MUC5B: variants seen among roughly 807,000 people sequenced by gnomAD.
MUC5B encodes mucin 5B, oligomeric mucus/gel-forming.
Under a neutral mutation model 376.9 loss-of-function variants are expected in MUC5B, and 116 were observed. The ratio of observed to expected loss-of-function variants is 0.31; its 90% confidence interval spans 0.26 to 0.36. The LOEUF is 0.36. Among genes scored for constraint, MUC5B ranks in the 10% least tolerant of loss-of-function variants. MUC5B has a pLI of 1.00. For missense variants in MUC5B, 7,165 were observed against 7,769.9 expected (o/e 0.92, Z 2.93); for synonymous variants, 3,517 against 3,390.9 (o/e 1.04, Z -1.29).
In MUC5B at chr11:1,239,963, G is replaced by T; in HGVS notation, c.3728+20G>T. ...GAGCTGGTGAGGGGGTGGGAAGCGG[G>T]TGGCGCTGGGGGAGCAGGGCTGGGG... On this transcript the variant is annotated intron_variant, in intron 28 of 48. Transcript: ENST00000529681. The T allele has an allele frequency of 6.2e-7, 1 of 1,611,902 alleles. No homozygotes were observed. The highest frequency in any genetic ancestry group is 8.5e-7 in the Non-Finnish European group (1 of 1,179,220).
At position 1,247,139 on chromosome 11, in the gene MUC5B, C is replaced by G; in HGVS notation, c.10259C>G (p.Thr3420Ser). The change falls in exon 31 of 49, where the codon ACC (threonine) becomes AGC (serine). Residue 3420 changes from threonine (T) to serine (S), a missense_variant. Transcript: ENST00000529681. ...ACAACTCCCATCCCCCCAGTGCTGA[C>G]CACCACCGCCACCACACCTGCAGCC... ...PGTTPIPPVL[T>S]TTATTPAATS... is the part of the protein sequence containing the mutation. 6.5e-6 allele frequency: 10 copies of G among 1,533,896 alleles called. No individual in the cohort carries two copies. Among genetic ancestry groups the G allele is most frequent in the Non-Finnish European group, 8.0e-6 (9 of 1,126,240 alleles).
chr11:1,231,542 C>A lies in MUC5B; in HGVS notation c.1660C>A (p.His554Asn). 1 of 1,582,462 alleles carries A rather than the reference C, an allele frequency of 6.3e-7. No homozygotes were observed. ...GGTGTTTGTCAGGCTGGACCCCGCC[C>A]ACCAGGGCCAGATGTGCGGTGAGGC... ...MQVFVRLDPA[H>N]QGQMCGLCGN... The change falls in exon 14 of 49, where the codon CAC becomes AAC. Residue 554 changes from histidine to asparagine, a missense_variant. Physicochemically the swap from His to Asn is moderately conservative, Grantham distance 68. Around this residue, in one of 31 missense-constraint regions of MUC5B, gnomAD observed 640 missense variants for 733.0 expected, o/e 0.87. Coordinates refer to ENST00000529681, the MANE Select transcript of MUC5B (RefSeq NM_002458.3).
rs202164311 is a variant in MUC5B at position 1,247,245 on chromosome 11, C to A, written c.10365C>A (p.His3455Gln). The A allele has an allele frequency of 1.3e-6, 2 of 1,584,908 alleles. No individual in the cohort carries two copies. The highest frequency in any genetic ancestry group is 8.6e-7 in the Non-Finnish European group (1 of 1,157,262). ...PPVPNTTATT[H>Q]GRSLPPSSPH... ...TGCCGAACACCACGGCCACCACACA[C>A]GGGCGGTCCCTGCCCCCCAGCAGTC... The change falls in exon 31 of 49, where the codon CAC becomes CAA. Residue 3455 changes from histidine to glutamine, a missense_variant. His to Gln is a conservative substitution (Grantham distance 24, BLOSUM62 0). Transcript: ENST00000529681.
In MUC5B at chr11:1,234,603, C is replaced by T. The variant is rs755227381; in HGVS notation, c.2553C>T (p.Ala851=). The T allele has an allele frequency of 5.7e-6, 9 of 1,567,986 alleles. No homozygotes were observed. Among genetic ancestry groups the T allele is most frequent in the East Asian group, 2.4e-5 (1 of 42,082 alleles). Residue 851 remains alanine, a synonymous_variant, in exon 21 of 49, where the codon GCC becomes GCT. Coordinates refer to ENST00000529681, the MANE Select transcript of MUC5B (RefSeq NM_002458.3). This position sits in a 1 kb window ranked among gnomAD's most constrained non-coding sequence, Gnocchi z 6.3. ...LVSDGSGGCI[A]EEDCPCVHNE... is the part of the protein sequence containing the mutation. ...CGGATGGGAGTGGGGGCTGCATTGC[C>T]GAGGAGGACTGCCCCTGTGTGCACA...
rs75007506 is a variant in MUC5B at position 1,258,502 on chromosome 11, C to T, written c.16593+135C>T. ...CCGATCCGCACAGGGGCCCTGGACA[C>T]GTCAGAGCTGGGACATGCTTGGGAC... On this transcript the variant is annotated intron_variant, in intron 43 of 48. Coordinates refer to ENST00000529681, the MANE Select transcript of MUC5B (RefSeq NM_002458.3). The surrounding 1 kb of genome is among the most constrained non-coding windows in gnomAD (Gnocchi z 5.5). The T allele has an allele frequency of 7.8e-4, 833 of 1,065,590 alleles. 15 individuals carry two copies. The East Asian group carries it at 0.015, about 20-fold the overall frequency. The allele number at this position is 1,065,590 out of a possible 1,614,324, so 66.0% of individuals were successfully genotyped here.
At chr11:1,225,763 G>A (rs1281089795) in intron 2 of MUC5B, 26 bp downstream of exon 2, 1 of 1,596,202 alleles carries the variant, frequency 6.3e-7, no homozygotes, top group Admixed American at 1.7e-5. Flanking sequence ...CGGGGGTGGG[G>A]GGTTCCTGAC....
intron 17 of MUC5B, 36 bp downstream of exon 17, chr11:1,232,806 C>T (rs1376769117): frequency 1.9e-6 from 3 of 1,558,732 alleles, no homozygotes; most frequent in Non-Finnish European, 1.7e-6. Flanking sequence ...TGTGTCCACA[C>T]CGCGTGGGGG....
Position 1,229,170 on chromosome 11 carries a change from C to T in MUC5B, c.977C>T (p.Pro326Leu). 1 of 1,589,620 alleles carries T rather than the reference C, an allele frequency of 6.3e-7. No homozygotes were observed. The highest frequency in any genetic ancestry group is 1.3e-5 in the African/African-American group (1 of 74,634). ...CCCAGCCCCACCTCCTTTTGCGCAG[C>T]CCGGACCTGCCCCCTCAACATGCAG... ...PRNWRCPELC[P>L]RTCPLNMQHQ... is the part of the protein sequence containing the mutation. Residue 326 changes from proline to leucine, a missense_variant and splice_region_variant, in exon 9 of 49, where the codon CCC becomes CTC. Pro to Leu is a moderately conservative substitution (Grantham distance 98, BLOSUM62 -3). This residue lies in a region of MUC5B where 640 missense variants were observed against 733.0 expected (regional missense o/e 0.87). Transcript: ENST00000529681.
rs373694120 is a variant in MUC5B at position 1,246,728 on chromosome 11, C to T, written c.9848C>T (p.Thr3283Met). 2.4e-5 allele frequency: 39 copies of T among 1,609,102 alleles called. 1 individual carries two copies. The highest frequency in any genetic ancestry group is 6.7e-5 in the African/African-American group (5 of 74,486). The stretch of plus-strand genomic sequence containing the variant: ...CACACCTCCACAGTGCTTACCACCA[C>T]GACCACCACAACCAGGGCCACCGGC... ...TVHTSTVLTT[T>M]TTTTRATGSV... The change falls in exon 31 of 49, where the codon ACG (threonine) becomes ATG (methionine). Residue 3283 changes from threonine (T) to methionine (M), a missense_variant. Physicochemically the swap from Thr to Met is moderately conservative, Grantham distance 81 (BLOSUM62 -1). Transcript: ENST00000529681.
At chr11:1,256,049 G>A (rs1862825617) in intron 37 of MUC5B, 107 bp from the exon 38 acceptor site, 3 of 605,398 alleles carry the variant, frequency 5.0e-6, no homozygotes, top group African/African-American at 2.0e-5. Context: ...GGGCGGCCCC[G>A]GGCCCCCCAG....
At position 1,234,136 on chromosome 11, in the gene MUC5B, C is replaced by A; in HGVS notation, c.2378-69C>A. On this transcript the variant is annotated intron_variant, in intron 19 of 48. Coordinates refer to ENST00000529681, the MANE Select transcript of MUC5B (RefSeq NM_002458.3). This position sits in a 1 kb window ranked among gnomAD's most constrained non-coding sequence, Gnocchi z 6.3. ...CTTGATCAGCAGGACAGGCTCAGGG[C>A]TGCCTGGGGTCAGTTGAGGGCCGTG... 7.7e-7 allele frequency: 1 copy of A among 1,298,928 alleles called. No homozygotes were observed. The highest frequency in any genetic ancestry group is 2.6e-4 in the Middle Eastern group (1 of 3,838). 80.5% of individuals were successfully genotyped at this position (1,298,928 alleles called of 1,614,324 possible). A position where few individuals can be genotyped will look rare whatever the true frequency, so the allele number is the denominator to read the frequency against.
intron 1 of MUC5B, 159 bp downstream of exon 1, chr11:1,223,352 C>T (rs1046390955): frequency 8.7e-6 from 6 of 689,936 alleles, no homozygotes; most frequent in African/African-American, 1.8e-5. Context: ...CAACACAGGG[C>T]TCTGGGGCCC....
rs1564945004 is a variant in MUC5B, at chr11:1,247,149, C to T, written c.10269C>T (p.Ala3423=). The change falls in exon 31 of 49, where the codon GCC becomes GCT. Residue 3423 remains alanine, a synonymous_variant. Coordinates refer to ENST00000529681, the MANE Select transcript of MUC5B (RefSeq NM_002458.3). ...TCCCCCCAGTGCTGACCACCACCGCCACCACACCTGCAGCCACCAGCAGCA... is the reference window on the plus strand; with the variant it reads ...TCCCCCCAGTGCTGACCACCACCGCTACCACACCTGCAGCCACCAGCAGCA... ...TPIPPVLTTT[A]TTPAATSSTV... is the part of the protein sequence containing the mutation. The T allele has an allele frequency of 3.2e-6, 5 of 1,538,620 alleles. No homozygotes were observed. Among genetic ancestry groups the T allele is most frequent in the Non-Finnish European group, 4.4e-6 (5 of 1,128,712 alleles).
chr11:1,230,756 C>G (rs568248233), intron 12 of MUC5B, among the ~76,000 whole-genome samples, 156 bp downstream of exon 12: 7 of 152,100 alleles, frequency 4.6e-5, no homozygotes, highest in Middle Eastern at 6.8e-3. Context: ...CAGGTCCCCC[C>G]TCCAGCCCTG....
chr11:1,257,961 A>C lies in MUC5B; in HGVS notation c.16451-138A>C. 1.0e-6 allele frequency: 1 copy of C among 964,510 alleles called. No individual in the cohort carries two copies. Among genetic ancestry groups the C allele is most frequent in the Non-Finnish European group, 1.5e-6 (1 of 650,804 alleles). 59.7% of individuals were successfully genotyped at this position (964,510 alleles called of 1,614,324 possible). ...GAAGCAGCGGGGAGGTGGCCAAGCAAGGGGCCTGGAGGGAGCCCCCAGGGG... is the reference window on the plus strand; with the variant it reads ...GAAGCAGCGGGGAGGTGGCCAAGCACGGGGCCTGGAGGGAGCCCCCAGGGG... On this transcript the variant is annotated intron_variant, in intron 41 of 48. Coordinates refer to ENST00000529681, the MANE Select transcript of MUC5B (RefSeq NM_002458.3). This position sits in a 1 kb window ranked among gnomAD's most constrained non-coding sequence, Gnocchi z 8.9.
In MUC5B at chr11:1,256,758, C is replaced by T. The variant is rs548056762; in HGVS notation, c.16224C>T (p.Cys5408=). 4.6e-5 allele frequency: 71 copies of T among 1,536,316 alleles called. No individual in the cohort carries two copies. The Admixed American group carries it at 6.7e-4, about 15-fold the overall frequency. ...QILFNAHMGI[C]VQACPCVGPD... is the part of the protein sequence containing the mutation. ...TCTTCAACGCACACATGGGCATCTG[C>T]GTGCAGGCCTGCCGTAAGCTCCGCC... The change falls in exon 39 of 49, where the codon TGC becomes TGT. Residue 5408 remains cysteine, a synonymous_variant. Transcript: ENST00000529681.
In MUC5B at chr11:1,233,014, C is replaced by A; in HGVS notation, c.2067C>A (p.Thr689=). ...CCCCCCTGGCCCCACCGACCACAGCCAAGTACATGCAGAACTGCCCCAAGT... is the reference window on the plus strand; with the variant it reads ...CCCCCCTGGCCCCACCGACCACAGCAAAGTACATGCAGAACTGCCCCAAGT... ...QLSDWRDGVC[T]KYMQNCPKSQ... The change falls in exon 18 of 49, where the codon ACC becomes ACA. Residue 689 remains threonine (T), a splice_region_variant and synonymous_variant. Coordinates refer to ENST00000529681, the MANE Select transcript of MUC5B (RefSeq NM_002458.3). 6.3e-7 allele frequency: 1 copy of A among 1,585,370 alleles called. No homozygotes were observed. Among genetic ancestry groups the A allele is most frequent in the Non-Finnish European group, 8.5e-7 (1 of 1,169,956 alleles).
rs543871776 is a variant in MUC5B at position 1,261,725 on chromosome 11, C to T, written c.*117C>T. On this transcript the variant is annotated 3_prime_UTR_variant, in exon 49 of 49. Transcript: ENST00000529681. Reference sequence around the variant, plus strand: ...CCCCCGGCCTGTGTGTGGCACCCCGCGCTCCGTGCTCCTGCTGCCCACCCC... The same window carrying T: ...CCCCCGGCCTGTGTGTGGCACCCCGTGCTCCGTGCTCCTGCTGCCCACCCC... 783 of 1,052,544 alleles carry T rather than the reference C, an allele frequency of 7.4e-4. 2 individuals carry two copies. Among genetic ancestry groups the T allele is most frequent in the Non-Finnish European group, 1.0e-3 (704 of 705,532 alleles). The allele number at this position is 1,052,544 out of a possible 1,614,324, so 65.2% of individuals were successfully genotyped here.
chr11:1,248,228 G>C lies in MUC5B; in HGVS notation c.11348G>C (p.Arg3783Thr). The change falls in exon 31 of 49, where the codon AGA (arginine) becomes ACA (threonine). Residue 3783 changes from arginine to threonine, a missense_variant. Around this residue, in one of 31 missense-constraint regions of MUC5B, gnomAD observed 72 missense variants for 127.8 expected, o/e 0.56. Coordinates refer to ENST00000529681, the MANE Select transcript of MUC5B (RefSeq NM_002458.3). ...PGTATALPAL[R>T]STATTPTATS... ...ACTGCAACCGCCCTTCCAGCACTGA[G>C]AAGCACAGCCACCACACCCACAGCT... The C allele has an allele frequency of 6.3e-7, 1 of 1,586,308 alleles. No individual in the cohort carries two copies. The highest frequency in any genetic ancestry group is 8.6e-7 in the Non-Finnish European group (1 of 1,160,006).
Sources: gnomAD v4.1 joint callset for allele counts (sites outside exome capture counted in the v4.1 genomes callset) on GRCh38, gnomAD v4.1.1 for gene constraint, gnomAD v4.1.1 regional missense constraint, Gnocchi (gnomAD v3.1) non-coding constraint, MANE v1.5 for transcripts, NCBI Gene and HGNC (gene_info 2026-07-23, HGNC 2026-07-21) for gene names.